Variants in ALOX5 observed in about 807,000 individuals in gnomAD.
ALOX5 encodes polyunsaturated fatty acid 5-lipoxygenase.
In ALOX5, 64 loss-of-function variants were observed where a neutral mutation model predicts 87.9. The ratio of observed to expected loss-of-function variants is 0.73; its 90% CI spans 0.60 to 0.90. The LOEUF is 0.90. Among genes scored for constraint, ALOX5 ranks in the 40% least tolerant of loss-of-function variants. The pLI is 0.00. For synonymous variants in ALOX5, 388 were observed against 355.1 expected (o/e 1.09, Z -1.04); for missense variants, 822 against 907.5 (o/e 0.91, Z 1.21).
chr10:45,443,974 A>G (rs1482078994), intron 12 of ALOX5, 142 bp from the exon 13 acceptor site: 52 of 1,436,034 alleles, frequency 3.6e-5, no homozygotes, highest in Non-Finnish European at 4.5e-5. Context: ...CCGCTCAGCC[A>G]AGGGCGCTGG....
Position 45,443,520 on chromosome 10 carries a change from G to A in ALOX5, c.1556G>A (p.Arg519Gln). ...AACGATGTCTACGTGTACGGCATGC[G>A]GGGCCGCAAGTCCTCAGGTAGGGCC... ...FVNDVYVYGM[R>Q]GRKSSGFPKS... Residue 519 changes from arginine to glutamine, a missense_variant, in exon 11 of 14, where the codon CGG (arginine) becomes CAG (glutamine). Arg to Gln is a conservative substitution (Grantham distance 43). Transcript: ENST00000374391. 6.2e-7 allele frequency: 1 copy of A among 1,612,676 alleles called. No individual in the cohort carries two copies. The highest frequency in any genetic ancestry group is 8.5e-7 in the Non-Finnish European group (1 of 1,179,338).
intron 4 of ALOX5, among the ~76,000 whole-genome samples, chr10:45,417,676 G>A (rs1260026170): frequency 2.6e-5 from 4 of 152,196 alleles, no homozygotes; most frequent in Non-Finnish European, 5.9e-5. Flanking sequence ...TTGCAGGTGA[G>A]AGCCCAGATG....
Position 45,425,060 on chromosome 10 carries a change from G to A in ALOX5, c.762G>A (p.Glu254=), listed in dbSNP as rs111472614. 4 of 1,613,612 alleles carry A rather than the reference G, an allele frequency of 2.5e-6. No individual in the cohort carries two copies. The African/African-American group carries it at 5.3e-5, about 22-fold the overall frequency. Residue 254 remains glutamate, a synonymous_variant, in exon 6 of 14, where the codon GAG becomes GAA. Coordinates refer to ENST00000374391, the MANE Select transcript of ALOX5 (RefSeq NM_000698.5). This position sits in a 1 kb window ranked among gnomAD's most constrained non-coding sequence, Gnocchi z 4.4. The part of the protein sequence containing the change: ...VLIRRCTELP[E]KLPVTTEMVE... ...TCCGGCGCTGCACAGAGCTGCCCGA[G>A]AAGCTCCCGGTGACCACGGAGATGG... is the stretch of plus-strand genomic sequence containing the variant.
chr10:45,395,926 A>G lies in ALOX5; in HGVS notation c.421A>G (p.Lys141Glu), dbSNP rs1184585605. Residue 141 changes from lysine (K) to glutamate (E), a missense_variant, in exon 3 of 14, where the codon AAA (lysine) becomes GAA (glutamate). By Grantham distance (56) the Lys-to-Glu change is moderately conservative. Transcript: ENST00000374391. The stretch of plus-strand genomic sequence containing the variant: ...ACGTAAAGAACTGGAAACACGGCAA[A>G]AACAATATCGGTGAGTTATGACATC... ...HRRKELETRQ[K>E]QYRWMEWNPG... 6.2e-7 allele frequency: 1 copy of G among 1,614,254 alleles called. No individual in the cohort carries two copies. The highest frequency in any genetic ancestry group is 1.7e-5 in the Admixed American group (1 of 60,028).
At chr10:45,415,653 G>A (rs73283175) in intron 4 of ALOX5, among the ~76,000 whole-genome samples, 4,218 of 152,174 alleles carry the variant, frequency 0.028, 185 homozygotes, top group African/African-American at 0.094. Context: ...GCCTTTTTCC[G>A]AAGATGTCTT....
chr10:45,387,313 C>CA (rs1289073498), intron 2 of ALOX5, among the ~76,000 whole-genome samples: 1 of 152,156 alleles, frequency 6.6e-6, no homozygotes, highest in Non-Finnish European at 1.5e-5. Context: ...GTGTCATCGT[C>CA]ACACATTTCT....
chr10:45,427,428 G>A (rs1377491142), intron 6 of ALOX5, among the ~76,000 whole-genome samples: 1 of 152,164 alleles, frequency 6.6e-6, no homozygotes, highest in Non-Finnish European at 1.5e-5. Context: ...CCCGCCCATC[G>A]CGACAGATGC....
At chr10:45,414,098 A>G (rs1340584115) in intron 4 of ALOX5, among the ~76,000 whole-genome samples, 1 of 152,232 alleles carries the variant, frequency 6.6e-6, no homozygotes, top group South Asian at 2.1e-4. Context: ...TTTAAAGTTC[A>G]TATGGAACCA....
At chr10:45,424,837 T>A in intron 5 of ALOX5, 123 bp from the exon 6 acceptor site, 3 of 1,215,744 alleles carry the variant, frequency 2.5e-6, no homozygotes, top group Non-Finnish European at 3.5e-6. Flanking sequence ...GCTGTGCCCA[T>A]CCAGGGAGCA....
rs896344846 is a variant in ALOX5 at position 45,382,693 on chromosome 10, A to C, written c.349+12A>C. On this transcript the variant is annotated intron_variant, in intron 2 of 13. Transcript: ENST00000374391. ...GAGGGATGGACGCGGTGAGCAGCTC[A>C]GGCCCCTTCTGCCCCGGGCTTCCCA... 6.2e-7 allele frequency: 1 copy of C among 1,608,410 alleles called. No individual in the cohort carries two copies. The highest frequency in any genetic ancestry group is 8.5e-7 in the Non-Finnish European group (1 of 1,177,386).
chr10:45,432,792 T>C (rs1841950146), intron 7 of ALOX5, among the ~76,000 whole-genome samples: 1 of 152,212 alleles, frequency 6.6e-6, no homozygotes. Flanking sequence ...CAAGAAGTTA[T>C]AAGGGGAAAG....
At chr10:45,405,649 C>T (rs1840855085) in intron 3 of ALOX5, among the ~76,000 whole-genome samples, 1 of 152,114 alleles carries the variant, frequency 6.6e-6, no homozygotes, top group Non-Finnish European at 1.5e-5. Context: ...AAAACCCTTT[C>T]CATCCCAGTG....
chr10:45,375,254 G>A (rs1283745373), intron 1 of ALOX5, among the ~76,000 whole-genome samples: 1 of 152,200 alleles, frequency 6.6e-6, no homozygotes, highest in Non-Finnish European at 1.5e-5. Flanking sequence ...GGAGCCCTCA[G>A]CATTTGGAAG....
At chr10:45,420,178 C>T (rs1441741564) in intron 4 of ALOX5, among the ~76,000 whole-genome samples, 3 of 152,180 alleles carry the variant, frequency 2.0e-5, no homozygotes, top group Non-Finnish European at 2.9e-5. Flanking sequence ...TAATCCCCTT[C>T]TATTAACTGA....
chr10:45,438,389 G>A (rs1400001717), intron 7 of ALOX5, among the ~76,000 whole-genome samples: 1 of 152,154 alleles, frequency 6.6e-6, no homozygotes. Flanking sequence ...GTACAGCAAG[G>A]AATATCTGCC....
intron 3 of ALOX5, among the ~76,000 whole-genome samples, chr10:45,402,896 A>G (rs536406959): frequency 2.0e-5 from 3 of 152,362 alleles, no homozygotes; most frequent in Admixed American, 2.0e-4. Flanking sequence ...AAGGTGTTCA[A>G]CTTCATTAGG....
At chr10:45,419,797 G>GGGGCC (rs895356989) in intron 4 of ALOX5, among the ~76,000 whole-genome samples, 3 of 152,194 alleles carry the variant, frequency 2.0e-5, no homozygotes, top group Non-Finnish European at 4.4e-5. Context: ...AGGCTGCGGA[G>GGGGCC]GGGCCAGGCC....
intron 1 of ALOX5, among the ~76,000 whole-genome samples, chr10:45,381,134 C>T (rs1453231311): frequency 1.3e-5 from 2 of 152,236 alleles, no homozygotes; most frequent in African/African-American, 2.4e-5. Flanking sequence ...GAAGCAGGAG[C>T]CTGGCAGGGA....
chr10:45,423,905 A>C, intron 4 of ALOX5, 136 bp from the exon 5 acceptor site: 2 of 699,124 alleles, frequency 2.9e-6, no homozygotes, highest in Non-Finnish European at 5.1e-6. Context: ...TGGTTCTGAA[A>C]AGCCAGTCAC....
Sources: gnomAD v4.1 joint callset for allele counts (sites outside exome capture counted in the v4.1 genomes callset) on GRCh38, gnomAD v4.1.1 for gene constraint, Gnocchi (gnomAD v3.1) non-coding constraint, MANE v1.5 for transcripts, NCBI Gene and HGNC (gene_info 2026-07-23, HGNC 2026-07-21) for gene names.